Variants in SAMMSON observed in about 807,000 individuals in gnomAD.
SAMMSON encodes the protein long intergenic non-protein coding RNA 1212.
At position 70,262,820 on chromosome 3, in the gene SAMMSON, CA is replaced by C. The variant is rs370650910; in HGVS notation, n.674+13154del. 9.3e-3 allele frequency among the ~76,000 whole-genome samples: 1,414 copies of C among 152,220 alleles called. 13 individuals carry two copies. The highest frequency in any genetic ancestry group is 0.015 in the Non-Finnish European group (1,023 of 68,014). On this transcript the variant is annotated intron_variant and non_coding_transcript_variant, in intron 6 of 9. Transcript: ENST00000642114. ...CATGTTCCATCTCTCTCCTCTCCTT[CA>C]AAACTATGTTAGATGACCTGATATT...
intron 1 of SAMMSON, among the ~76,000 whole-genome samples, chr3:70,000,033 A>AC (rs1369951048): frequency 2.0e-5 from 3 of 152,168 alleles, no homozygotes; most frequent in Non-Finnish European, 4.4e-5. Context: ...TTTCCGGTAC[A>AC]CCAAGGCGAG....
At chr3:70,210,166 GA>G (rs971694656) in intron 4 of SAMMSON, among the ~76,000 whole-genome samples, 2 of 152,084 alleles carry the variant, frequency 1.3e-5, no homozygotes, top group Non-Finnish European at 2.9e-5. Context: ...AGTGGTATAT[GA>G]TTCTCTTTTT....
chr3:70,131,540 C>G (rs1190130801), intron 4 of SAMMSON, among the ~76,000 whole-genome samples: 2 of 152,102 alleles, frequency 1.3e-5, no homozygotes, highest in African/African-American at 2.4e-5. Context: ...TTATCTTACT[C>G]CAATCATGAA....
chr3:70,136,397 G>T (rs6802918), intron 4 of SAMMSON, among the ~76,000 whole-genome samples: 18,614 of 152,192 alleles, frequency 0.12, 1,185 homozygotes, highest in South Asian at 0.22. Flanking sequence ...CTATGGAGGG[G>T]TTCATGTGTC....
At chr3:70,224,260 C>T (rs1388307571) in intron 4 of SAMMSON, among the ~76,000 whole-genome samples, 2 of 152,202 alleles carry the variant, frequency 1.3e-5, no homozygotes, top group Admixed American at 6.5e-5. Flanking sequence ...ATGCACCTGA[C>T]ATGTTGCACT....
chr3:70,401,522 G>C (rs1367404065), intron 2 of SAMMSON, among the ~76,000 whole-genome samples: 1 of 152,142 alleles, frequency 6.6e-6, no homozygotes, highest in East Asian at 1.9e-4. Context: ...TGAAAATGAA[G>C]TATAAGTACA....
At chr3:70,160,493 C>A (rs1413558738) in intron 4 of SAMMSON, among the ~76,000 whole-genome samples, 1 of 151,932 alleles carries the variant, frequency 6.6e-6, no homozygotes, top group Non-Finnish European at 1.5e-5. Flanking sequence ...TATCAATTGA[C>A]AATCGACCAT....
chr3:70,410,539 C>A (rs1223514797), intron 2 of SAMMSON, among the ~76,000 whole-genome samples: 1 of 152,082 alleles, frequency 6.6e-6, no homozygotes, highest in African/African-American at 2.4e-5. Context: ...GTTTCAGAAA[C>A]AAACAAGTTA....
chr3:70,000,039 G>C (rs945015893), intron 1 of SAMMSON, among the ~76,000 whole-genome samples: 1 of 152,176 alleles, frequency 6.6e-6, no homozygotes, highest in Non-Finnish European at 1.5e-5. Flanking sequence ...GTACACCAAG[G>C]CGAGAAATCC....
Position 70,168,191 on chromosome 3 carries a change from T to A in SAMMSON, n.508-80916T>A, listed in dbSNP as rs552827213. ...TGGGTTCACAAGTCAAGGGCACAGGTTCAATCATCACGCAGGCTAGTGACC... is the reference window on the plus strand; with the variant it reads ...TGGGTTCACAAGTCAAGGGCACAGGATCAATCATCACGCAGGCTAGTGACC... On this transcript the variant is annotated intron_variant and non_coding_transcript_variant, in intron 4 of 9. Coordinates refer to ENST00000642114, the Ensembl canonical transcript of SAMMSON. Among the ~76,000 whole-genome samples the A allele has an allele frequency of 3.9e-5, 6 of 152,054 alleles. No individual in the cohort carries two copies. In the East Asian group the frequency reaches 1.2e-3, roughly 30 times the overall value.
intron 4 of SAMMSON, among the ~76,000 whole-genome samples, chr3:70,191,218 T>A (rs1359670581): frequency 2.0e-5 from 3 of 152,254 alleles, no homozygotes; most frequent in Admixed American, 2.0e-4. Flanking sequence ...AAGTTGTGGC[T>A]TTGTAAATTC....
intron 7 of SAMMSON, among the ~76,000 whole-genome samples, chr3:70,302,343 A>C (rs1702357430): frequency 1.3e-5 from 2 of 152,046 alleles, no homozygotes; most frequent in Non-Finnish European, 2.9e-5. Flanking sequence ...TGCAGTTCCT[A>C]AGCTGAAAGA....
intron 9 of SAMMSON, among the ~76,000 whole-genome samples, chr3:70,366,492 G>GTTTTTTTTTTTTTTTTTTTTTTTTTTTT: frequency 3.0e-5 from 3 of 100,756 alleles, no homozygotes; most frequent in Non-Finnish European, 2.1e-5. Flanking sequence ...GTGTTTTTAT[G>GTTTTTTTTTTTTTTTTTTTTTTTTTTTT]TTTTTTTTTT....
At chr3:70,387,115 C>A (rs1029850214) in intron 9 of SAMMSON, among the ~76,000 whole-genome samples, 3 of 151,980 alleles carry the variant, frequency 2.0e-5, no homozygotes, top group Admixed American at 1.3e-4. Flanking sequence ...ATATCTAACT[C>A]TTGGCCAGAA....
chr3:70,170,168 T>G (rs1293443507), intron 4 of SAMMSON, among the ~76,000 whole-genome samples: 1 of 151,932 alleles, frequency 6.6e-6, no homozygotes, highest in Non-Finnish European at 1.5e-5. Context: ...ATACCCAGAT[T>G]TATGCCTTTT....
intron 7 of SAMMSON, among the ~76,000 whole-genome samples, chr3:70,308,361 T>C (rs970657306): frequency 1.3e-5 from 2 of 152,192 alleles, no homozygotes; most frequent in Non-Finnish European, 1.5e-5. Context: ...TGAGCAATGC[T>C]GCATATTTTT....
chr3:70,296,342 C>A (rs1323152708), intron 7 of SAMMSON, among the ~76,000 whole-genome samples: 2 of 152,058 alleles, frequency 1.3e-5, no homozygotes, highest in Non-Finnish European at 2.9e-5. Context: ...CTGAAACAGA[C>A]TCTTAACATG....
chr3:70,043,059 A>G (rs949915114), intron 3 of SAMMSON, among the ~76,000 whole-genome samples: 1 of 152,118 alleles, frequency 6.6e-6, no homozygotes, highest in Admixed American at 6.6e-5. Flanking sequence ...TATATCATGC[A>G]CCCCAAGGAA....
exon 6 of SAMMSON, chr3:70,249,653 T>C (rs2106649752): frequency 6.6e-6 from 1 of 152,254 alleles, no homozygotes; most frequent in Admixed American, 6.5e-5. Context: ...GAGCTGCCAA[T>C]TCCACAGTAC....
Sources: gnomAD v4.1 joint callset for allele counts (sites outside exome capture counted in the v4.1 genomes callset) on GRCh38, gnomAD v4.1.1 for gene constraint, MANE v1.5 for transcripts, NCBI Gene and HGNC (gene_info 2026-07-23, HGNC 2026-07-21) for gene names.